The following NCALD variants were observed in gnomAD, a reference collection of about 807,000 sequenced individuals.
NCALD encodes neurocalcin-delta.
Under a neutral mutation model 18.6 loss-of-function variants are expected in NCALD, and 10 were observed. That is an observed-to-expected ratio of 0.54 (90% CI 0.33 to 0.91). The LOEUF (loss-of-function observed/expected upper bound fraction) is 0.91. Among genes scored for constraint, NCALD ranks in the 40% least tolerant of loss-of-function variants. NCALD has a pLI of 0.03. For missense variants in NCALD, 184 were observed against 247.6 expected (o/e 0.74, Z 1.72); for synonymous variants, 88 against 87.4 (o/e 1.01, Z -0.04).
At chr8:101,982,325 T>G (rs1820649556) in intron 2 of NCALD, among the ~76,000 whole-genome samples, 1 of 152,250 alleles carries the variant, frequency 6.6e-6, no homozygotes, top group South Asian at 2.1e-4. Context: ...GAGCTTGTCA[T>G]ATACCAACTC....
chr8:101,720,049 T>C (rs1489326300), intron 1 of NCALD, among the ~76,000 whole-genome samples: 1 of 152,128 alleles, frequency 6.6e-6, no homozygotes, highest in Non-Finnish European at 1.5e-5. Flanking sequence ...CTAATCCAAG[T>C]ATTAGCAGGG....
chr8:101,865,588 C>T (rs1365905412), intron 4 of NCALD, among the ~76,000 whole-genome samples: 1 of 151,470 alleles, frequency 6.6e-6, no homozygotes, highest in Non-Finnish European at 1.5e-5. Flanking sequence ...CTGGGGTTCC[C>T]TTTCTCCTCT....
chr8:101,759,455 T>C (rs542227625), intron 1 of NCALD, among the ~76,000 whole-genome samples: 105 of 152,208 alleles, frequency 6.9e-4, no homozygotes, highest in African/African-American at 2.4e-3. Context: ...GATACACCAA[T>C]GGGGAAAATT....
chr8:101,971,645 C>T (rs1294191033), intron 2 of NCALD, among the ~76,000 whole-genome samples: 1 of 152,036 alleles, frequency 6.6e-6, no homozygotes, highest in Non-Finnish European at 1.5e-5. Flanking sequence ...TTATAAATTT[C>T]CCAGCCTCAG....
chr8:101,844,164 T>C (rs777482276), intron 4 of NCALD, among the ~76,000 whole-genome samples: 2 of 152,158 alleles, frequency 1.3e-5, no homozygotes, highest in Non-Finnish European at 2.9e-5. Context: ...CCTGTGGAAG[T>C]GCATATTCTC....
chr8:101,706,400 C>T (rs182918094), intron 2 of NCALD, among the ~76,000 whole-genome samples: 5 of 151,930 alleles, frequency 3.3e-5, no homozygotes, highest in Admixed American at 6.5e-5. Flanking sequence ...AGTGCAACAT[C>T]TTAATAGAGA....
chr8:101,891,371 G>A (rs1034170992), intron 3 of NCALD, among the ~76,000 whole-genome samples: 1 of 152,160 alleles, frequency 6.6e-6, no homozygotes, highest in African/African-American at 2.4e-5. Context: ...CATACAGTAT[G>A]TGACATTTGG....
At chr8:101,705,675 C>T (rs1325944148) in intron 2 of NCALD, among the ~76,000 whole-genome samples, 1 of 152,170 alleles carries the variant, frequency 6.6e-6, no homozygotes, top group East Asian at 1.9e-4. Context: ...GGTTCTCTTT[C>T]TTGGGACCTG....
intron 2 of NCALD, among the ~76,000 whole-genome samples, chr8:102,017,360 A>C (rs754122899): frequency 5.3e-5 from 8 of 152,204 alleles, no homozygotes; most frequent in Non-Finnish European, 1.2e-4. Context: ...TTCTAAAAAA[A>C]AAAATAAGAA....
chr8:101,811,379 A>G (rs1023589261), intron 4 of NCALD, among the ~76,000 whole-genome samples: 8 of 152,160 alleles, frequency 5.3e-5, no homozygotes, highest in Non-Finnish European at 8.8e-5. Context: ...GAAGCTGGAA[A>G]AGGAAAGGAA....
chr8:101,890,345 T>G (rs572423367), intron 3 of NCALD, among the ~76,000 whole-genome samples: 10 of 152,282 alleles, frequency 6.6e-5, no homozygotes, highest in African/African-American at 2.4e-4. Flanking sequence ...TGGAACAATT[T>G]AACCTTCTCT....
chr8:102,116,086 C>T (rs1034889178), intron 1 of NCALD, among the ~76,000 whole-genome samples: 3 of 144,206 alleles, frequency 2.1e-5, no homozygotes, highest in Non-Finnish European at 3.0e-5. Context: ...AGAAGGGGAA[C>T]ATCACACACC....
intron 1 of NCALD, among the ~76,000 whole-genome samples, chr8:102,072,702 C>CCAAG (rs1417196182): frequency 6.6e-6 from 1 of 152,024 alleles, no homozygotes; most frequent in African/African-American, 2.4e-5. Context: ...ACACTCTTGC[C>CCAAG]CAAGGAGCTG....
intron 1 of NCALD, among the ~76,000 whole-genome samples, chr8:102,085,200 T>G (rs1355405230): frequency 6.6e-6 from 1 of 152,178 alleles, no homozygotes; most frequent in African/African-American, 2.4e-5. Flanking sequence ...GGGGATGTCC[T>G]GTGCATTGTA....
At chr8:102,079,489 T>C (rs547603239) in intron 1 of NCALD, among the ~76,000 whole-genome samples, 2 of 152,276 alleles carry the variant, frequency 1.3e-5, no homozygotes, top group African/African-American at 2.4e-5. Context: ...CCTCCTGTCA[T>C]GGAACATGAT....
At chr8:101,928,492 C>T (rs1818420410) in intron 2 of NCALD, among the ~76,000 whole-genome samples, 1 of 152,096 alleles carries the variant, frequency 6.6e-6, no homozygotes, top group African/African-American at 2.4e-5. Context: ...ATACCAACTC[C>T]ACACATTAAC....
intron 4 of NCALD, among the ~76,000 whole-genome samples, chr8:101,860,318 T>C (rs1246867074): frequency 2.6e-5 from 4 of 152,164 alleles, no homozygotes; most frequent in Non-Finnish European, 5.9e-5. Context: ...ATGGAGGACA[T>C]CCAACACAAG....
intron 1 of NCALD, among the ~76,000 whole-genome samples, chr8:101,748,008 G>A (rs370704409): frequency 3.1e-4 from 47 of 152,216 alleles, no homozygotes; most frequent in African/African-American, 1.1e-3. Flanking sequence ...ATGAACCACC[G>A]CACCCAGTGG....
At chr8:102,091,730 C>A (rs1278306030) in intron 1 of NCALD, among the ~76,000 whole-genome samples, 3 of 152,134 alleles carry the variant, frequency 2.0e-5, no homozygotes, top group Non-Finnish European at 2.9e-5. Context: ...ATTAATCTTC[C>A]AGATATCACC....
Sources: gnomAD v4.1 joint callset for allele counts (sites outside exome capture counted in the v4.1 genomes callset) on GRCh38, gnomAD v4.1.1 for gene constraint, MANE v1.5 for transcripts, NCBI Gene and HGNC (gene_info 2026-07-23, HGNC 2026-07-21) for gene names.